The following DAP variants were observed in gnomAD, a reference collection of about 807,000 sequenced individuals.
DAP encodes death-associated protein 1.
A neutral mutation model predicts 13.8 loss-of-function variants in DAP; 8 were observed. The observed-to-expected ratio is 0.58, with a 90% CI of 0.34 to 1.05. The LOEUF (loss-of-function observed/expected upper bound fraction) is 1.05. DAP is among the 50% of genes least tolerant of loss of function. DAP has a pLI of 0.03. For synonymous variants in DAP, 47 were observed against 47.5 expected, an observed-to-expected ratio of 0.99 and a Z score of 0.04; for missense variants, 106 against 133.2, an observed-to-expected ratio of 0.80 and a Z score of 1.01.
At chr5:10,710,786 G>C (rs553589819) in intron 2 of DAP, among the ~76,000 whole-genome samples, 67 of 152,320 alleles carry the variant, frequency 4.4e-4, no homozygotes, top group African/African-American at 1.6e-3. Flanking sequence ...GGACACTGTG[G>C]AGTCAGTGAG....
intron 2 of DAP, among the ~76,000 whole-genome samples, chr5:10,724,300 G>C (rs886805331): frequency 6.6e-6 from 1 of 152,184 alleles, no homozygotes; most frequent in Non-Finnish European, 1.5e-5. Context: ...GTCTAGCAAG[G>C]TTCCACCTCT....
At chr5:10,734,415 G>GC (rs1739548051) in intron 2 of DAP, 1 of 152,330 alleles carries the variant, frequency 6.6e-6, no homozygotes, top group Admixed American at 6.5e-5. Context: ...AAGCCTGGCC[G>GC]CCCGCACTTT....
intron 2 of DAP, among the ~76,000 whole-genome samples, chr5:10,704,404 T>C (rs1239232866): frequency 6.6e-6 from 1 of 152,068 alleles, no homozygotes; most frequent in Non-Finnish European, 1.5e-5. Context: ...GGAATGTGTA[T>C]TTGCCTTGGA....
intron 1 of DAP, among the ~76,000 whole-genome samples, chr5:10,751,672 T>C (rs1426851374): frequency 6.6e-6 from 1 of 152,116 alleles, no homozygotes; most frequent in Non-Finnish European, 1.5e-5. Context: ...TAAAAGACAA[T>C]TAAGTTAAAA....
At chr5:10,704,660 G>A (rs530973328) in intron 2 of DAP, among the ~76,000 whole-genome samples, 1 of 152,130 alleles carries the variant, frequency 6.6e-6, no homozygotes, top group Non-Finnish European at 1.5e-5. Context: ...TGTAATCAGG[G>A]AATTTTCCCC....
intron 2 of DAP, among the ~76,000 whole-genome samples, chr5:10,697,141 G>C (rs192735111): frequency 6.6e-6 from 1 of 152,344 alleles, no homozygotes; most frequent in Admixed American, 6.5e-5. Context: ...ATTGTTGGGA[G>C]ACCTTGGCTG....
At chr5:10,754,051 G>C (rs1740114731) in intron 1 of DAP, among the ~76,000 whole-genome samples, 1 of 152,166 alleles carries the variant, frequency 6.6e-6, no homozygotes, top group Non-Finnish European at 1.5e-5. Context: ...ATGCGAACAG[G>C]GCAAGGGACT....
intron 2 of DAP, among the ~76,000 whole-genome samples, chr5:10,688,430 A>T (rs55844493): frequency 0.083 from 12,571 of 152,254 alleles, 703 homozygotes; most frequent in African/African-American, 0.15. Flanking sequence ...ATGCTACTGT[A>T]CACTTAATAG....
At chr5:10,724,422 A>G (rs1287065656) in intron 2 of DAP, among the ~76,000 whole-genome samples, 1 of 152,240 alleles carries the variant, frequency 6.6e-6, no homozygotes, top group Non-Finnish European at 1.5e-5. Flanking sequence ...TCTCTATAAA[A>G]GTCCCATAAG....
At chr5:10,755,535 C>T (rs1353317010) in intron 1 of DAP, among the ~76,000 whole-genome samples, 1 of 152,192 alleles carries the variant, frequency 6.6e-6, no homozygotes, top group Admixed American at 6.5e-5. Context: ...AGCAGCCACA[C>T]AATGAAAAGC....
intron 2 of DAP, among the ~76,000 whole-genome samples, chr5:10,703,300 T>C (rs1282073974): frequency 6.6e-6 from 1 of 152,222 alleles, no homozygotes; most frequent in African/African-American, 2.4e-5. Flanking sequence ...AGAAGACACG[T>C]AATCCAAGTG....
intron 1 of DAP, among the ~76,000 whole-genome samples, chr5:10,760,595 C>T (rs1196586986): frequency 6.6e-6 from 1 of 152,240 alleles, no homozygotes; most frequent in Non-Finnish European, 1.5e-5. Context: ...CTGGCAGCCT[C>T]TAATTAATCA....
intron 2 of DAP, among the ~76,000 whole-genome samples, chr5:10,728,776 C>T (rs1034251960): frequency 6.6e-6 from 1 of 152,120 alleles, no homozygotes; most frequent in African/African-American, 2.4e-5. Context: ...GGAGAGATAC[C>T]CCTACGTGGC....
intron 2 of DAP, among the ~76,000 whole-genome samples, chr5:10,688,272 C>CCAAT (rs976010260): frequency 9.9e-5 from 15 of 152,216 alleles, no homozygotes; most frequent in African/African-American, 2.9e-4. Flanking sequence ...AACCACCACC[C>CCAAT]CAATCAGTCA....
At chr5:10,706,359 T>C (rs2126648512) in intron 2 of DAP, among the ~76,000 whole-genome samples, 1 of 152,300 alleles carries the variant, frequency 6.6e-6, no homozygotes, top group South Asian at 2.1e-4. Flanking sequence ...TAATCACAGT[T>C]TACAGATAAG....
At chr5:10,730,644 A>C (rs1448369453) in intron 2 of DAP, among the ~76,000 whole-genome samples, 28 of 29,428 alleles carry the variant, frequency 9.5e-4, no homozygotes, top group African/African-American at 1.5e-3. Context: ...GAGCCCTGGT[A>C]GGGGGGAATC....
intron 2 of DAP, among the ~76,000 whole-genome samples, chr5:10,708,626 C>T (rs754587145): frequency 5.9e-5 from 9 of 152,168 alleles, no homozygotes; most frequent in Admixed American, 4.6e-4. Context: ...AAAAGCACAG[C>T]GACTCTGAAA....
rs201996478 is a variant in DAP at position 10,748,228 on chromosome 5, T to G, written c.99A>C (p.Thr33=). The change falls in exon 2 of 4, where the codon ACA becomes ACC. Residue 33 remains threonine (T), a synonymous_variant. Transcript: ENST00000230895. The part of the protein sequence containing the change: ...GMRIVQKHPH[T]GDTKEEKDKD... ...TGTCTTTCTCTTCTTTGGTGTCTCC[T>G]GTATGTGGGTGTTTCTGCACAATTC... 6.2e-7 allele frequency: 1 copy of G among 1,614,126 alleles called. No individual in the cohort carries two copies. Among genetic ancestry groups the G allele is most frequent in the Non-Finnish European group, 8.5e-7 (1 of 1,179,958 alleles).
intron 2 of DAP, among the ~76,000 whole-genome samples, chr5:10,730,306 T>C (rs1043219446): frequency 3.3e-5 from 5 of 152,196 alleles, no homozygotes; most frequent in Non-Finnish European, 5.9e-5. Flanking sequence ...GATGCTCAGA[T>C]GTGCGTGCCA....
Sources: allele counts gnomAD v4.1 joint callset (sites outside exome capture counted in the v4.1 genomes callset), GRCh38; gene constraint gnomAD v4.1.1; transcripts MANE v1.5; gene names NCBI Gene and HGNC (gene_info 2026-07-23, HGNC 2026-07-21).